The following MGAT3 variants were observed in gnomAD, a reference collection of about 807,000 sequenced individuals.
MGAT3 encodes GlcNAc-T III.
MGAT3 carries 9 observed loss-of-function variants against 29.8 expected under a neutral mutation model. The ratio of observed to expected loss-of-function variants is 0.30; its 90% CI spans 0.18 to 0.53. The LOEUF is 0.53. Ranked by LOEUF, MGAT3 falls within the 20% of genes least tolerant of loss-of-function variation. The pLI, the probability that MGAT3 is intolerant of heterozygous loss-of-function variation, is 0.96. For synonymous variants in MGAT3, 397 were observed against 348.9 expected (o/e 1.14, Z -1.54); for missense variants, 557 against 769.5 (o/e 0.72, Z 3.27).
intron 1 of MGAT3, among the ~76,000 whole-genome samples, chr22:39,471,377 G>A (rs933113452): frequency 1.3e-5 from 2 of 152,278 alleles, no homozygotes; most frequent in Admixed American, 6.5e-5. Context: ...TTGCGGAGGG[G>A]CTGGCAACAG....
In MGAT3 at chr22:39,457,777, C is replaced by T. The variant is rs1269830555; in HGVS notation, c.-2+220C>T. Among the ~76,000 whole-genome samples the T allele has an allele frequency of 1.3e-5, 2 of 151,018 alleles. No homozygotes were observed. The highest frequency in any genetic ancestry group is 3.9e-4 in the East Asian group (2 of 5,156). ...CTCGGCGCGGGCCCCCTCCCCCTAC[C>T]CGCCGCTCCTCCGAGCTCCCCGGTC... On this transcript the variant is annotated intron_variant, in intron 1 of 1. Coordinates refer to ENST00000341184, the MANE Select transcript of MGAT3 (RefSeq NM_002409.5). The surrounding 1 kb of genome is among the most constrained non-coding windows in gnomAD (Gnocchi z 6.8).
chr22:39,471,272 G>A (rs1051893531), intron 1 of MGAT3, among the ~76,000 whole-genome samples: 35 of 152,296 alleles, frequency 2.3e-4, no homozygotes, highest in African/African-American at 8.4e-4. Flanking sequence ...TGGGCTGGGA[G>A]GTGGGTAGGG....
At chr22:39,461,363 C>G (rs1928493431) in intron 1 of MGAT3, among the ~76,000 whole-genome samples, 1 of 152,110 alleles carries the variant, frequency 6.6e-6, no homozygotes, top group South Asian at 2.1e-4. Flanking sequence ...CACCCTGCAC[C>G]AGCCCTGGGG....
rs1268396288 is a variant in MGAT3 at position 39,490,921 on chromosome 22, A to C, written c.*1972A>C. The C allele has an allele frequency of 6.0e-6, 1 of 167,072 alleles. No individual in the cohort carries two copies. The highest frequency in any genetic ancestry group is 1.5e-5 in the Non-Finnish European group (1 of 68,118). 10.3% of individuals were successfully genotyped at this position (167,072 alleles called of 1,614,324 possible). The stretch of plus-strand genomic sequence containing the variant: ...TTGGGGAGCCTAGAAAGCAAAGCTA[A>C]AGGGGATGCAGGGTCTGTCTGTCTG... On this transcript the variant is annotated 3_prime_UTR_variant, in exon 2 of 2. Transcript: ENST00000341184.
chr22:39,460,417 C>G (rs1928464793), intron 1 of MGAT3, among the ~76,000 whole-genome samples: 1 of 152,122 alleles, frequency 6.6e-6, no homozygotes, highest in Non-Finnish European at 1.5e-5. Context: ...ATCTAGTGGC[C>G]CGGTTCAAAT....
At chr22:39,482,838 A>C (rs1301261070) in intron 1 of MGAT3, among the ~76,000 whole-genome samples, 2 of 152,176 alleles carry the variant, frequency 1.3e-5, no homozygotes, top group Non-Finnish European at 2.9e-5. Flanking sequence ...GCAGCAACCC[A>C]GACTGAGGCC....
At chr22:39,465,988 C>T (rs747742575) in intron 1 of MGAT3, among the ~76,000 whole-genome samples, 10 of 151,694 alleles carry the variant, frequency 6.6e-5, no homozygotes, top group Admixed American at 1.3e-4. Flanking sequence ...GCGCACTGCC[C>T]GAAGGTGACA....
intron 1 of MGAT3, among the ~76,000 whole-genome samples, chr22:39,474,696 A>C (rs1235339162): frequency 6.6e-6 from 1 of 152,206 alleles, no homozygotes; most frequent in Non-Finnish European, 1.5e-5. Flanking sequence ...TGTGCCTGAA[A>C]TGCCACCAGC....
At chr22:39,483,327 T>A (rs2145724861) in intron 1 of MGAT3, among the ~76,000 whole-genome samples, 1 of 152,130 alleles carries the variant, frequency 6.6e-6, no homozygotes, top group East Asian at 1.9e-4. Flanking sequence ...AAACCCCACC[T>A]CTACTAAAGA....
rs751903670 is a variant in MGAT3, at chr22:39,488,076, G to A, written c.729G>A (p.Thr243=). The part of the protein sequence containing the change: ...DAFVVCESNF[T]AYGEPRPLKF... ...TTGTGGTGTGCGAGTCCAACTTCAC[G>A]GCTTATGGGGAGCCGCGGCCGCTCA... Residue 243 remains threonine, a synonymous_variant, in exon 2 of 2, where the codon ACG becomes ACA. Coordinates refer to ENST00000341184, the MANE Select transcript of MGAT3 (RefSeq NM_002409.5). 1.2e-6 allele frequency: 2 copies of A among 1,612,132 alleles called. No homozygotes were observed. Among genetic ancestry groups the A allele is most frequent in the Non-Finnish European group, 8.5e-7 (1 of 1,178,936 alleles).
rs983314940 is a variant in MGAT3, at chr22:39,488,742, C to T, written c.1395C>T (p.Phe465=). Residue 465 remains phenylalanine, a synonymous_variant, in exon 2 of 2, where the codon TTC becomes TTT. Coordinates refer to ENST00000341184, the MANE Select transcript of MGAT3 (RefSeq NM_002409.5). ...GCCTGATCCGCACCGGGGGCTGGTT[C>T]GACGGCACGCAGCAGGAGTACCCGC... ...IRGLIRTGGW[F]DGTQQEYPPA... 12 of 1,613,212 alleles carry T rather than the reference C, an allele frequency of 7.4e-6. No homozygotes were observed. The African/African-American group carries it at 8.0e-5, about 11-fold the overall frequency.
chr22:39,485,395 T>C (rs1200696368), intron 1 of MGAT3, among the ~76,000 whole-genome samples: 1 of 152,224 alleles, frequency 6.6e-6, no homozygotes, highest in Non-Finnish European at 1.5e-5. Flanking sequence ...GTGACAAATG[T>C]ACCATGGTGG....
intron 1 of MGAT3, among the ~76,000 whole-genome samples, chr22:39,482,942 G>C (rs973808861): frequency 6.6e-6 from 1 of 152,244 alleles, no homozygotes; most frequent in Non-Finnish European, 1.5e-5. Context: ...AGCTGGCTAT[G>C]AGTAACTAGA....
At position 39,488,571 on chromosome 22, in the gene MGAT3, G is replaced by C; in HGVS notation, c.1224G>C (p.Leu408=). The C allele has an allele frequency of 1.2e-6, 2 of 1,613,280 alleles. No individual in the cohort carries two copies. Among genetic ancestry groups the C allele is most frequent in the African/African-American group, 1.3e-5 (1 of 75,060 alleles). The part of the protein sequence containing the change: ...RTGHILVQWS[L]GSPLHFAGWH... ...GCCACATCCTGGTGCAGTGGTCGCT[G>C]GGCAGCCCCCTGCACTTCGCCGGCT... Residue 408 remains leucine, a synonymous_variant, in exon 2 of 2, where the codon CTG becomes CTC. Transcript: ENST00000341184.
chr22:39,479,442 T>C (rs536382977), intron 1 of MGAT3, among the ~76,000 whole-genome samples: 1 of 152,276 alleles, frequency 6.6e-6, no homozygotes, highest in East Asian at 1.9e-4. Context: ...CCCCCTTTTC[T>C]TGGAGTCTCA....
intron 1 of MGAT3, among the ~76,000 whole-genome samples, chr22:39,460,344 C>G (rs925006082): frequency 2.0e-5 from 3 of 152,144 alleles, no homozygotes; most frequent in Non-Finnish European, 4.4e-5. Flanking sequence ...CACCGATGCT[C>G]CACCTAGCCC....
intron 1 of MGAT3, among the ~76,000 whole-genome samples, chr22:39,484,429 G>C (rs370812107): frequency 5.9e-5 from 9 of 152,208 alleles, no homozygotes; most frequent in East Asian, 3.9e-4. Context: ...TTGGAGTACA[G>C]TGGTGCGATC....
chr22:39,470,170 C>T lies in MGAT3; in HGVS notation c.-2+12613C>T, dbSNP rs183743683. Among the ~76,000 whole-genome samples, 6 of 152,278 alleles carry T rather than the reference C, an allele frequency of 3.9e-5. No individual in the cohort carries two copies. In the East Asian group the frequency reaches 9.7e-4, roughly 25 times the overall value. ...GCCAGCAGGGTGAGGGCGGGGCAGA[C>T]GTAAACAACAAAGTGGGATCGCCTC... is the stretch of plus-strand genomic sequence containing the variant. On this transcript the variant is annotated intron_variant, in intron 1 of 1. Transcript: ENST00000341184.
intron 1 of MGAT3, among the ~76,000 whole-genome samples, chr22:39,465,700 G>C (rs1005629417): frequency 6.6e-6 from 1 of 152,118 alleles, no homozygotes; most frequent in Non-Finnish European, 1.5e-5. Flanking sequence ...GGGAGGCCGA[G>C]GGGGGTGGAT....
Sources: allele counts gnomAD v4.1 joint callset (sites outside exome capture counted in the v4.1 genomes callset), GRCh38; gene constraint gnomAD v4.1.1; non-coding constraint Gnocchi (gnomAD v3.1); transcripts MANE v1.5; gene names NCBI Gene and HGNC (gene_info 2026-07-23, HGNC 2026-07-21).